ALS2CL: variants seen among roughly 807,000 people sequenced by gnomAD.
ALS2CL encodes ALS2 C-terminal-like protein.
A neutral mutation model predicts 127.9 loss-of-function variants in ALS2CL; 112 were observed. That is an observed-to-expected ratio of 0.88 (90% CI 0.75 to 1.02). The LOEUF (loss-of-function observed/expected upper bound fraction) is 1.02. ALS2CL is among the 50% of genes least tolerant of loss of function. The pLI, the probability that ALS2CL is intolerant of heterozygous loss-of-function variation, is 0.00. For missense variants in ALS2CL, 1,174 were observed against 1,236.7 expected, an observed-to-expected ratio of 0.95 and a Z score of 0.76; for synonymous variants, 519 against 527.6, an observed-to-expected ratio of 0.98 and a Z score of 0.22.
In ALS2CL at chr3:46,674,621, CAAT is replaced by C. The variant is rs1698663405; in HGVS notation, c.2371_2373del (p.Ile791del). On this transcript the variant is annotated inframe_deletion, in exon 21 of 26. Transcript: ENST00000318962. ...GTATCAGGAAAGAGGCTCAAGTTGG[CAAT>C]GCCCTGGCTGTAGAAGCTGTCCTCC... The C allele has an allele frequency of 6.2e-7, 1 of 1,613,962 alleles. No homozygotes were observed. Among genetic ancestry groups the C allele is most frequent in the Admixed American group, 1.7e-5 (1 of 59,988 alleles).
Position 46,686,455 on chromosome 3 carries a change from G to T in ALS2CL, c.535-16C>A. 6.2e-7 allele frequency: 1 copy of T among 1,608,902 alleles called. No homozygotes were observed. Among genetic ancestry groups the T allele is most frequent in the Admixed American group, 1.7e-5 (1 of 59,668 alleles). On this transcript the variant is annotated splice_polypyrimidine_tract_variant and intron_variant, in intron 5 of 25. Coordinates refer to ENST00000318962, the MANE Select transcript of ALS2CL (RefSeq NM_147129.5). This position sits in a 1 kb window ranked among gnomAD's most constrained non-coding sequence, Gnocchi z 4.3. ...TTGGGTGATGCTGAAGGGGGACAGG[G>T]CAGCCAGTGAGAGGAGAGCTTACTG...
chr3:46,672,288 C>T (rs923454090), intron 22 of ALS2CL, 87 bp from the exon 23 acceptor site: 2 of 1,498,524 alleles, frequency 1.3e-6, no homozygotes, highest in East Asian at 2.4e-5. Flanking sequence ...CTGAGTCCCC[C>T]GCCACCCTTC....
chr3:46,678,398 C>T lies in ALS2CL; in HGVS notation c.1627-9G>A. The T allele has an allele frequency of 1.2e-6, 2 of 1,610,536 alleles. No homozygotes were observed. Among genetic ancestry groups the T allele is most frequent in the South Asian group, 2.2e-5 (2 of 90,598 alleles). ...GGGAAGGTGACCTTGCCCTGGGAGC[C>T]AGGAGAAGGAGCAGGGATGTCTGTC... On this transcript the variant is annotated splice_polypyrimidine_tract_variant and intron_variant, in intron 15 of 25. Coordinates refer to ENST00000318962, the MANE Select transcript of ALS2CL (RefSeq NM_147129.5).
chr3:46,673,433 C>A (rs369595699), intron 21 of ALS2CL, 52 bp from the exon 22 acceptor site: 11 of 1,539,990 alleles, frequency 7.1e-6, no homozygotes, highest in Non-Finnish European at 9.7e-6. Flanking sequence ...GGGGCAGAGT[C>A]TGAGGTCAGA....
intron 20 of ALS2CL, 157 bp downstream of exon 20, chr3:46,675,461 A>G: frequency 2.9e-6 from 2 of 699,296 alleles, no homozygotes; most frequent in Non-Finnish European, 4.8e-6. Context: ...GTCATGGGTC[A>G]TTCTAATCCA....
At chr3:46,688,003 C>G (rs1699910709) in intron 3 of ALS2CL, 95 bp downstream of exon 3, 3 of 1,453,650 alleles carry the variant, frequency 2.1e-6, no homozygotes, top group African/African-American at 1.4e-5. Flanking sequence ...TGCTTGAACC[C>G]TGACCCATGT....
intron 4 of ALS2CL, 137 bp from the exon 5 acceptor site, chr3:46,687,285 A>G: frequency 1.0e-6 from 1 of 981,066 alleles, no homozygotes; most frequent in Non-Finnish European, 1.4e-6. Context: ...CTATCAGATC[A>G]ACACAGTACC....
rs1437446523 is a variant in ALS2CL at position 46,683,150 on chromosome 3, G to A, written c.1089C>T (p.Cys363=). Residue 363 remains cysteine, a synonymous_variant, in exon 10 of 26, where the codon TGC becomes TGT. Transcript: ENST00000318962. ...LCQATYEGEW[C]RGRPHGKGTL... is the part of the protein sequence containing the mutation. ...CTCACTTGCCGTGGGGCCGGCCCCT[G>A]CACCACTCGCCCTCGTAGGTGGCCT... The A allele has an allele frequency of 6.3e-7, 1 of 1,597,224 alleles. No individual in the cohort carries two copies. Among genetic ancestry groups the A allele is most frequent in the Non-Finnish European group, 8.5e-7 (1 of 1,171,976 alleles).
intron 16 of ALS2CL, 61 bp from the exon 17 acceptor site, chr3:46,677,083 A>G (rs1311923414): frequency 3.9e-6 from 6 of 1,537,996 alleles, no homozygotes; most frequent in Non-Finnish European, 5.2e-6. Context: ...GGTAGGCAGG[A>G]CTCTGCCCAG....
chr3:46,676,500 C>A, intron 18 of ALS2CL, 98 bp from the exon 19 acceptor site: 1 of 1,567,112 alleles, frequency 6.4e-7, no homozygotes, highest in Non-Finnish European at 8.7e-7. Flanking sequence ...ATCTCATACA[C>A]GAGAACACTG....
chr3:46,672,253 C>T (rs1178970695), intron 22 of ALS2CL, 52 bp from the exon 23 acceptor site: 2 of 1,605,166 alleles, frequency 1.2e-6, no homozygotes, highest in East Asian at 2.2e-5. Context: ...CCAGCTCTGA[C>T]ATCCCCTCCT....
Position 46,685,505 on chromosome 3 carries a change from T to C in ALS2CL, c.786+20A>G, listed in dbSNP as rs1393081425. 1 of 1,611,942 alleles carries C rather than the reference T, an allele frequency of 6.2e-7. No individual in the cohort carries two copies. The highest frequency in any genetic ancestry group is 2.2e-5 in the East Asian group (1 of 44,798). On this transcript the variant is annotated intron_variant, in intron 7 of 25. Transcript: ENST00000318962. Reference sequence around the variant, plus strand: ...GAACCCTACTGTGGCCTCAAGACCTTGGGTCAGCCCCACCCCAACCTGCAG... The same window carrying C: ...GAACCCTACTGTGGCCTCAAGACCTCGGGTCAGCCCCACCCCAACCTGCAG...
chr3:46,690,437 G>C (rs1700086168), intron 1 of ALS2CL, among the ~76,000 whole-genome samples: 1 of 152,156 alleles, frequency 6.6e-6, no homozygotes, highest in South Asian at 2.1e-4. Context: ...CTGCCCTGGA[G>C]TGAGGGACCT....
chr3:46,676,307 GT>G lies in ALS2CL; in HGVS notation c.2123del (p.His708ProfsTer10). The G allele has an allele frequency of 6.2e-7, 1 of 1,613,826 alleles. No homozygotes were observed. Among genetic ancestry groups the G allele is most frequent in the Non-Finnish European group, 8.5e-7 (1 of 1,179,972 alleles). On this transcript the variant is annotated frameshift_variant, in exon 19 of 26. Transcript: ENST00000318962. LOFTEE classifies it high-confidence loss of function. ...ATYAGVGANK[H>X]LQELAQEEVK... ...CCTCCTCCTGGGCCAGCTCCTGCAG[GT>G]GCTTGTTGGCCCCGACACCTGCGTA... is the stretch of plus-strand genomic sequence containing the variant.
In ALS2CL at chr3:46,674,591, G is replaced by T. The variant is rs1450077677; in HGVS notation, c.2404C>A (p.Leu802Met). The change falls in exon 21 of 26, where the codon CTG becomes ATG. Residue 802 changes from leucine (L) to methionine (M), a missense_variant. Transcript: ENST00000318962. ...TTCTGCACATCCAGGAACTCGAGCA[G>T]TTGGGTATCAGGAAAGAGGCTCAAG... is the stretch of plus-strand genomic sequence containing the variant. Reference protein sequence around the residue: ...ANLSLFPDTQLLEFLDVQKHL... With the variant: ...ANLSLFPDTQMLEFLDVQKHL... 3 of 1,613,658 alleles carry T rather than the reference G, an allele frequency of 1.9e-6. No individual in the cohort carries two copies. Among genetic ancestry groups the T allele is most frequent in the Non-Finnish European group, 2.5e-6 (3 of 1,179,860 alleles).
At chr3:46,672,261 C>G in intron 22 of ALS2CL, 60 bp from the exon 23 acceptor site, 1 of 1,598,628 alleles carries the variant, frequency 6.3e-7, no homozygotes, top group South Asian at 1.1e-5. Context: ...GACATCCCCT[C>G]CTTCCCAGGG....
chr3:46,680,722 G>T, intron 13 of ALS2CL, 181 bp from the exon 14 acceptor site: 1 of 604,800 alleles, frequency 1.7e-6, no homozygotes, highest in Non-Finnish European at 2.9e-6. Context: ...AATGGAGGAG[G>T]GAGGGAGGCA....
intron 1 of ALS2CL, among the ~76,000 whole-genome samples, chr3:46,691,870 A>G (rs1700179682): frequency 1.3e-5 from 2 of 152,136 alleles, no homozygotes; most frequent in African/African-American, 4.8e-5. Flanking sequence ...AGAGGATCAC[A>G]GCTTTTCAAA....
In ALS2CL at chr3:46,688,137, A is replaced by C; in HGVS notation, c.263T>G (p.Leu88Arg). ...CAGTACACGGTCAGCACCTCGCAGCAGCAGCAGGGACTCCAGACCGGTGGA... is the reference window on the plus strand; with the variant it reads ...CAGTACACGGTCAGCACCTCGCAGCCGCAGCAGGGACTCCAGACCGGTGGA... Reference protein sequence around the residue: ...PDSTGLESLLLLRGADRVLQA... With the variant: ...PDSTGLESLLRLRGADRVLQA... Residue 88 changes from leucine (L) to arginine (R), a missense_variant, in exon 3 of 26, where the codon CTG (leucine) becomes CGG (arginine). Physicochemically the swap from Leu to Arg is moderately radical, Grantham distance 102 (BLOSUM62 -2). Coordinates refer to ENST00000318962, the MANE Select transcript of ALS2CL (RefSeq NM_147129.5). 2 of 1,613,184 alleles carry C rather than the reference A, an allele frequency of 1.2e-6. No individual in the cohort carries two copies. Among genetic ancestry groups the C allele is most frequent in the Non-Finnish European group, 1.7e-6 (2 of 1,179,996 alleles).
Sources: allele counts gnomAD v4.1 joint callset (sites outside exome capture counted in the v4.1 genomes callset), GRCh38; gene constraint gnomAD v4.1.1; non-coding constraint Gnocchi (gnomAD v3.1); transcripts MANE v1.5; gene names NCBI Gene and HGNC (gene_info 2026-07-23, HGNC 2026-07-21).